Variants in ZC3H12B observed in about 807,000 individuals in gnomAD.
ZC3H12B encodes the protein probable ribonuclease ZC3H12B.
A neutral mutation model predicts 43.9 loss-of-function variants in ZC3H12B; 7 were observed. The observed-to-expected ratio is 0.16, with a 90% CI of 0.09 to 0.30. The LOEUF is 0.30. Among genes scored for constraint, ZC3H12B ranks in the 10% least tolerant of loss-of-function variants. The pLI is 1.00. For synonymous variants in ZC3H12B, 222 were observed against 241.7 expected, an observed-to-expected ratio of 0.92 and a Z score of 0.76; for missense variants, 475 against 670.2, an observed-to-expected ratio of 0.71 and a Z score of 3.22.
chrX:65,122,711 C>CA, the ZC3H12B span, among the ~76,000 whole-genome samples: 2 of 110,243 alleles, frequency 1.8e-5, no homozygotes, highest in East Asian at 2.9e-4. Context: ...AAATGGACAA[C>CA]AAAAAAAGGC....
At chrX:65,247,070 C>T in the ZC3H12B span, among the ~76,000 whole-genome samples, 1 of 110,663 alleles carries the variant, frequency 9.0e-6, no homozygotes, top group Non-Finnish European at 1.9e-5. Context: ...CAAACAACCC[C>T]GTTATAAAGT....
At chrX:65,397,871 C>A (rs750344374) in intron 2 of ZC3H12B, among the ~76,000 whole-genome samples, 2 of 111,818 alleles carry the variant, frequency 1.8e-5, no homozygotes, top group South Asian at 7.5e-4. Flanking sequence ...TCATTTTATA[C>A]TTCACAAAAC....
the ZC3H12B span, among the ~76,000 whole-genome samples, chrX:65,168,506 T>G: frequency 9.0e-6 from 1 of 110,783 alleles, no homozygotes; most frequent in East Asian, 2.8e-4. Flanking sequence ...TCTTTTTTTT[T>G]TTGTTGCGTC....
chrX:65,228,090 T>C, the ZC3H12B span, among the ~76,000 whole-genome samples: 39 of 111,490 alleles, frequency 3.5e-4, no homozygotes, highest in African/African-American at 1.2e-3. Context: ...AAAAAGAGAA[T>C]TTTTGACCAA....
At chrX:65,430,278 A>C (rs2067140125) in intron 3 of ZC3H12B, among the ~76,000 whole-genome samples, 1 of 110,719 alleles carries the variant, frequency 9.0e-6, no homozygotes, top group Admixed American at 9.5e-5. Context: ...CTCCTGATCC[A>C]CAGGTTGCAA....
At chrX:65,256,812 A>G in the ZC3H12B span, among the ~76,000 whole-genome samples, 8 of 112,357 alleles carry the variant, frequency 7.1e-5, no homozygotes, top group African/African-American at 2.3e-4. Context: ...GACACTTCTC[A>G]AAAGAAGACA....
chrX:65,502,014 G>A, exon 5 of ZC3H12B: 1 of 1,210,101 alleles, frequency 8.3e-7, no homozygotes, highest in Non-Finnish European at 1.1e-6. Context: ...TCAGATCCCA[G>A]CATCCGGTCT....
chrX:65,198,886 G>A, the ZC3H12B span, among the ~76,000 whole-genome samples: 1 of 111,332 alleles, frequency 9.0e-6, no homozygotes, highest in African/African-American at 3.3e-5. Flanking sequence ...GAGTGCGATG[G>A]CATGATCTCA....
the ZC3H12B span, among the ~76,000 whole-genome samples, chrX:65,158,371 T>G: frequency 7.3e-4 from 81 of 111,645 alleles, no homozygotes; most frequent in Admixed American, 1.8e-3. Flanking sequence ...ATGGTTGAAC[T>G]AGTTTACAGT....
chrX:65,259,903 G>T, the ZC3H12B span, among the ~76,000 whole-genome samples: 8 of 112,003 alleles, frequency 7.1e-5, no homozygotes, highest in African/African-American at 1.6e-4. Flanking sequence ...AAAAGGAAAT[G>T]AAATAATGGC....
intron 3 of ZC3H12B, among the ~76,000 whole-genome samples, chrX:65,442,940 G>C (rs891861368): frequency 1.3e-3 from 148 of 110,919 alleles, no homozygotes; most frequent in African/African-American, 4.7e-3. Flanking sequence ...TGCTTGAACA[G>C]TCACTGGGGC....
At chrX:65,283,101 A>G in the ZC3H12B span, among the ~76,000 whole-genome samples, 1 of 111,826 alleles carries the variant, frequency 8.9e-6, no homozygotes, top group African/African-American at 3.2e-5. Context: ...CGAATCCAGC[A>G]TCACATCGAA....
the ZC3H12B span, among the ~76,000 whole-genome samples, chrX:65,215,464 T>C: frequency 9.0e-6 from 1 of 110,724 alleles, no homozygotes; most frequent in Non-Finnish European, 1.9e-5. Context: ...TTACTTCAAC[T>C]TCATGAATCA....
chrX:65,352,097 G>T, the ZC3H12B span, among the ~76,000 whole-genome samples: 1 of 112,364 alleles, frequency 8.9e-6, no homozygotes, highest in East Asian at 2.8e-4. Flanking sequence ...ACTGGATAAA[G>T]AAAATGTGGC....
At chrX:65,440,922 C>T (rs1034015021) in intron 3 of ZC3H12B, among the ~76,000 whole-genome samples, 4 of 112,498 alleles carry the variant, frequency 3.6e-5, no homozygotes, top group Non-Finnish European at 5.6e-5. Context: ...ATTGTTCTAT[C>T]CAAATTGGCT....
At chrX:65,070,672 G>T in the ZC3H12B span, among the ~76,000 whole-genome samples, 131 of 110,675 alleles carry the variant, frequency 1.2e-3, no homozygotes, top group African/African-American at 4.1e-3. Flanking sequence ...CTTGATGTCT[G>T]CTTTAATTTG....
At position 65,392,206 on chromosome X, in the gene ZC3H12B, G is replaced by A. The variant is rs184801132; in HGVS notation, n.296-6387G>A. Among the ~76,000 whole-genome samples the A allele has an allele frequency of 5.4e-3, 602 of 111,234 alleles. 2 individuals are homozygous for A. The highest frequency in any genetic ancestry group is 9.3e-3 in the Middle Eastern group (2 of 215). ...CGCCACCCCGTCTAGGAAGTGAGGAGCGTCTCTGCCTGTCCACCAATCATC... is the reference window on the plus strand; with the variant it reads ...CGCCACCCCGTCTAGGAAGTGAGGAACGTCTCTGCCTGTCCACCAATCATC... On this transcript the variant is annotated intron_variant and non_coding_transcript_variant, in intron 2 of 5. Transcript: ENST00000617377.
chrX:65,112,823 A>T, the ZC3H12B span, among the ~76,000 whole-genome samples: 1 of 111,984 alleles, frequency 8.9e-6, no homozygotes, highest in Non-Finnish European at 1.9e-5. Context: ...TTCATGCTTG[A>T]TAACAGAATA....
chrX:65,470,649 T>A (rs948121922), intron 3 of ZC3H12B, among the ~76,000 whole-genome samples: 1 of 111,272 alleles, frequency 9.0e-6, no homozygotes. Context: ...AAGTACCCAC[T>A]CATGAGTGCC....
Sources: allele counts gnomAD v4.1 joint callset (sites outside exome capture counted in the v4.1 genomes callset), GRCh38; gene constraint gnomAD v4.1.1; transcripts MANE v1.5; gene names NCBI Gene and HGNC (gene_info 2026-07-23, HGNC 2026-07-21).